Variants in CACNA1S observed in about 807,000 individuals in gnomAD.
CACNA1S encodes calcium voltage-gated channel subunit alpha1 S, also known as voltage-dependent L-type calcium channel subunit alpha-1S.
CACNA1S carries 126 observed loss-of-function variants against 207.4 expected under a neutral mutation model. That is an observed-to-expected ratio of 0.61 (90% CI 0.53 to 0.70). The LOEUF (loss-of-function observed/expected upper bound fraction) is 0.70. Ranked by LOEUF, CACNA1S falls within the 30% of genes least tolerant of loss-of-function variation. The pLI, the probability that CACNA1S is intolerant of heterozygous loss-of-function variation, is 0.00. For synonymous variants in CACNA1S, 960 were observed against 932.7 expected (o/e 1.03, Z -0.53); for missense variants, 2,349 against 2,422.8 (o/e 0.97, Z 0.64).
At chr1:201,060,309 C>A (rs1660997697) in intron 26 of CACNA1S, among the ~76,000 whole-genome samples, 1 of 152,144 alleles carries the variant, frequency 6.6e-6, no homozygotes, top group African/African-American at 2.4e-5. Flanking sequence ...TTCTTGGGAC[C>A]AGAGCCAAGA....
intron 2 of CACNA1S, among the ~76,000 whole-genome samples, chr1:201,100,778 T>C (rs1422244391): frequency 1.3e-5 from 2 of 151,982 alleles, no homozygotes; most frequent in Non-Finnish European, 2.9e-5. Flanking sequence ...TAAGCTTTAG[T>C]AAGCACCCGC....
chr1:201,108,059 G>C (rs1662962329), intron 2 of CACNA1S, among the ~76,000 whole-genome samples: 1 of 151,732 alleles, frequency 6.6e-6, no homozygotes. Context: ...AGTTAAGGGA[G>C]CCAATTTTGT....
chr1:201,056,514 C>T (rs1660851519), intron 28 of CACNA1S, among the ~76,000 whole-genome samples: 1 of 152,220 alleles, frequency 6.6e-6, no homozygotes, highest in South Asian at 2.1e-4. Flanking sequence ...GCTTTGGGAC[C>T]AGTCCCCTGC....
intron 32 of CACNA1S, among the ~76,000 whole-genome samples, chr1:201,051,868 G>A (rs912647080): frequency 1.3e-5 from 2 of 152,320 alleles, no homozygotes; most frequent in South Asian, 2.1e-4. Context: ...GGCGAGGTGG[G>A]AATCTCTGCC....
chr1:201,098,178 G>A (rs1437901974), intron 2 of CACNA1S, among the ~76,000 whole-genome samples: 1 of 152,204 alleles, frequency 6.6e-6, no homozygotes, highest in African/African-American at 2.4e-5. Flanking sequence ...TGTGTCAACT[G>A]CATCTAGAAC....
At chr1:201,052,927 GGGAGGGTAGACAGA>G (rs1475125089) in intron 31 of CACNA1S, among the ~76,000 whole-genome samples, 1 of 152,034 alleles carries the variant, frequency 6.6e-6, no homozygotes, top group East Asian at 1.9e-4. Flanking sequence ...GTGCTCTCAG[GGGAGGGTAGACAGA>G]GGCCACCCAG....
At chr1:201,071,573 C>T (rs1262705336) in intron 16 of CACNA1S, among the ~76,000 whole-genome samples, 1 of 152,150 alleles carries the variant, frequency 6.6e-6, no homozygotes, top group African/African-American at 2.4e-5. Context: ...GATATAAACA[C>T]ATTCAGTCCC....
At chr1:201,091,883 A>T (rs1023955886) in intron 4 of CACNA1S, 89 bp downstream of exon 4, 36 of 1,602,208 alleles carry the variant, frequency 2.2e-5, no homozygotes, top group Middle Eastern at 1.8e-4. Flanking sequence ...AGCCCCTGAG[A>T]TGTCAAGGTA....
intron 26 of CACNA1S, among the ~76,000 whole-genome samples, chr1:201,060,093 T>C (rs1660988638): frequency 1.3e-5 from 2 of 152,216 alleles, no homozygotes; most frequent in Admixed American, 6.5e-5. Flanking sequence ...CATATCACCA[T>C]GACCTAGCAG....
chr1:201,083,080 A>G, intron 10 of CACNA1S, 82 bp downstream of exon 10: 1 of 1,469,194 alleles, frequency 6.8e-7, no homozygotes, highest in Non-Finnish European at 9.5e-7. Context: ...CTTCTGCACA[A>G]CCTGTGGTGC....
intron 2 of CACNA1S, among the ~76,000 whole-genome samples, chr1:201,107,426 T>C (rs2102186731): frequency 6.6e-6 from 1 of 152,364 alleles, no homozygotes; most frequent in South Asian, 2.1e-4. Flanking sequence ...TTTAACTACC[T>C]GTTTAATTGG....
At chr1:201,055,288 C>T (rs1660800275) in intron 28 of CACNA1S, among the ~76,000 whole-genome samples, 1 of 152,216 alleles carries the variant, frequency 6.6e-6, no homozygotes, top group Non-Finnish European at 1.5e-5. Context: ...CATTAAACAA[C>T]AGATTTTCCC....
intron 41 of CACNA1S, among the ~76,000 whole-genome samples, chr1:201,041,267 A>T (rs961878285): frequency 1.3e-5 from 2 of 152,122 alleles, no homozygotes; most frequent in African/African-American, 4.8e-5. Flanking sequence ...GCCCTTTAGC[A>T]TGAATGGGCT....
intron 26 of CACNA1S, 59 bp from the exon 27 acceptor site, chr1:201,059,358 T>G: frequency 9.4e-7 from 1 of 1,069,472 alleles, no homozygotes; most frequent in South Asian, 1.3e-5. Context: ...ACCCTGTAGA[T>G]TGCATTCCCA....
rs112614882 is a variant in CACNA1S at position 201,107,939 on chromosome 1, C to T, written c.258+2225G>A. Among the ~76,000 whole-genome samples, 797 of 152,128 alleles carry T rather than the reference C, an allele frequency of 5.2e-3. 3 individuals carry two copies. The highest frequency in any genetic ancestry group is 0.018 in the African/African-American group (766 of 41,506). On this transcript the variant is annotated intron_variant, in intron 2 of 43. Coordinates refer to ENST00000362061, the MANE Select transcript of CACNA1S (RefSeq NM_000069.3). ...TTGGAAACATTTCTGATTAGGTTTC[C>T]GACTTGCAGGGAACTCATAATACTG...
intron 41 of CACNA1S, 42 bp downstream of exon 41, chr1:201,041,462 G>A (rs764758252): frequency 1.3e-6 from 2 of 1,490,310 alleles, no homozygotes; most frequent in South Asian, 1.1e-5. Flanking sequence ...GGACTCCTCT[G>A]GGAGAAGACT....
rs772350429 is a variant in CACNA1S at position 201,040,326 on chromosome 1, G to A, written c.5275C>T (p.Pro1759Ser). 2 of 1,613,802 alleles carry A rather than the reference G, an allele frequency of 1.2e-6. No homozygotes were observed. Among genetic ancestry groups the A allele is most frequent in the Admixed American group, 3.3e-5 (2 of 59,980 alleles). ...SMPEDRKSST[P>S]GSLHEETPHS... ...GGTGTCTCCTCATGAAGAGACCCTG[G>A]TGTGGAGCTCTTTCTGTCCTCAGGC... is the stretch of plus-strand genomic sequence containing the variant. Residue 1759 changes from proline (P) to serine (S), a missense_variant, in exon 43 of 44, where the codon CCA becomes TCA. Physicochemically the swap from Pro to Ser is moderately conservative, Grantham distance 74 (BLOSUM62 -1). Transcript: ENST00000362061.
chr1:201,089,255 C>T lies in CACNA1S; in HGVS notation c.900+3G>A, dbSNP rs536865444. On this transcript the variant is annotated splice_donor_region_variant and intron_variant, in intron 6 of 43. Transcript: ENST00000362061. ...GGTTCTGCAGGCGCGGGCCCAGACC[C>T]ACCCAGTAAAGGACGTCAGTCCATC... is the stretch of plus-strand genomic sequence containing the variant. 6.8e-6 allele frequency: 11 copies of T among 1,614,132 alleles called. No homozygotes were observed. In the South Asian group the frequency reaches 1.2e-4, roughly 18 times the overall value.
At chr1:201,092,280 CT>C (rs1662263984) in intron 3 of CACNA1S, among the ~76,000 whole-genome samples, 166 bp from the exon 4 acceptor site, 1 of 152,134 alleles carries the variant, frequency 6.6e-6, no homozygotes, top group South Asian at 2.1e-4. Context: ...TCATGCTTAT[CT>C]GGGGAATTTC....
Sources: allele counts gnomAD v4.1 joint callset (sites outside exome capture counted in the v4.1 genomes callset), GRCh38; gene constraint gnomAD v4.1.1; transcripts MANE v1.5; gene names NCBI Gene and HGNC (gene_info 2026-07-23, HGNC 2026-07-21).